Variants in EDC3 observed in about 807,000 individuals in gnomAD.
The protein encoded by EDC3 is enhancer of mRNA-decapping protein 3.
In EDC3, 20 loss-of-function variants were observed where a neutral mutation model predicts 41.8. That is an observed-to-expected ratio of 0.48 (90% CI 0.34 to 0.70). The LOEUF is 0.70. Among genes scored for constraint, EDC3 ranks in the 30% least tolerant of loss-of-function variants. EDC3 has a pLI of 0.01. For missense variants in EDC3, 444 were observed against 636.8 expected (o/e 0.70, Z 3.26); for synonymous variants, 206 against 243.2 (o/e 0.85, Z 1.42).
chr15:74,675,880 CAAA>C (rs57596845), intron 1 of EDC3, among the ~76,000 whole-genome samples: 7 of 116,590 alleles, frequency 6.0e-5, no homozygotes, highest in Admixed American at 8.4e-5. Context: ...GACTCTGCCT[CAAA>C]AAAAAAAAAA....
chr15:74,677,239 T>C lies in EDC3; in HGVS notation c.-18-2097A>G, dbSNP rs536021301. ...CACCACACCTGGCTAATTTTTGTAT[T>C]TTTAGTAGAGACGGGGTTTCACCAT... On this transcript the variant is annotated intron_variant, in intron 1 of 6. Coordinates refer to ENST00000315127, the MANE Select transcript of EDC3 (RefSeq NM_025083.5). Among the ~76,000 whole-genome samples, 4 of 151,972 alleles carry C rather than the reference T, an allele frequency of 2.6e-5. No homozygotes were observed. In the South Asian group the frequency reaches 8.3e-4, roughly 32 times the overall value.
intron 3 of EDC3, among the ~76,000 whole-genome samples, chr15:74,665,337 C>T (rs772111331): frequency 1.3e-5 from 2 of 152,176 alleles, no homozygotes; most frequent in African/African-American, 4.8e-5. Flanking sequence ...CAGCTATCTA[C>T]TTTCATGTTC....
chr15:74,675,261 T>C (rs1431315911), intron 1 of EDC3, 119 bp from the exon 2 acceptor site: 2 of 883,938 alleles, frequency 2.3e-6, no homozygotes, highest in Non-Finnish European at 1.6e-6. Flanking sequence ...TCTATCACAT[T>C]GTTAACTGAG....
At chr15:74,678,877 G>C (rs1374545655) in intron 1 of EDC3, among the ~76,000 whole-genome samples, 1 of 137,676 alleles carries the variant, frequency 7.3e-6, no homozygotes, top group Admixed American at 7.9e-5. Flanking sequence ...GCGACAGAGC[G>C]AGACTCCGTC....
intron 3 of EDC3, among the ~76,000 whole-genome samples, chr15:74,665,084 C>T (rs2062662433): frequency 6.6e-6 from 1 of 152,212 alleles, no homozygotes; most frequent in Non-Finnish European, 1.5e-5. Flanking sequence ...AGTGCAATGG[C>T]ACGATCTCGG....
In EDC3 at chr15:74,632,539, A is replaced by G. The variant is rs2062223468; in HGVS notation, c.*73T>C. The G allele has an allele frequency of 1.3e-6, 2 of 1,518,856 alleles. No individual in the cohort carries two copies. The highest frequency in any genetic ancestry group is 4.5e-5 in the East Asian group (2 of 44,068). 94.1% of individuals were successfully genotyped at this position (1,518,856 alleles called of 1,614,324 possible). A position where few individuals can be genotyped will look rare whatever the true frequency, so the allele number is the denominator to read the frequency against. On this transcript the variant is annotated 3_prime_UTR_variant, in exon 7 of 7. Coordinates refer to ENST00000315127, the MANE Select transcript of EDC3 (RefSeq NM_025083.5). The surrounding 1 kb of genome is among the most constrained non-coding windows in gnomAD (Gnocchi z 4.0). ...GAAAAAACTTTAACAAGGTCCATGA[A>G]GCTTCATATCCTTAAGGCGTTTGTT...
In EDC3 at chr15:74,670,981, G is replaced by A. The variant is rs546217563; in HGVS notation, c.484+474C>T. On this transcript the variant is annotated intron_variant, in intron 3 of 6. Coordinates refer to ENST00000315127, the MANE Select transcript of EDC3 (RefSeq NM_025083.5). ...AAGAATCCTCTGGAACAGCCCAAGT[G>A]CAGGTTCAACTCAAACACTACTACC... 2.0e-5 allele frequency among the ~76,000 whole-genome samples: 3 copies of A among 152,076 alleles called. No homozygotes were observed. In the South Asian group the frequency reaches 6.2e-4, roughly 32 times the overall value.
chr15:74,675,163 T>G, intron 1 of EDC3, 21 bp from the exon 2 acceptor site: 1 of 1,604,620 alleles, frequency 6.2e-7, no homozygotes, highest in Non-Finnish European at 8.5e-7. Context: ...AAGGAACTAT[T>G]CAGTGTGCCT....
At chr15:74,643,175 T>C (rs562446238) in intron 4 of EDC3, 7 of 151,966 alleles carry the variant, frequency 4.6e-5, no homozygotes, top group Non-Finnish European at 8.8e-5. Context: ...TAAAATAAAT[T>C]CCAAAGGAAA....
chr15:74,685,766 A>G (rs1290516698), intron 1 of EDC3, among the ~76,000 whole-genome samples: 1 of 152,214 alleles, frequency 6.6e-6, no homozygotes, highest in African/African-American at 2.4e-5. Context: ...ATAAATACAC[A>G]TGTTAAGCAC....
At position 74,632,772 on chromosome 15, in the gene EDC3, T is replaced by G; in HGVS notation, c.1367A>C (p.Lys456Thr). The change falls in exon 7 of 7, where the codon AAA (lysine) becomes ACA (threonine). Residue 456 changes from lysine to threonine, a missense_variant. Lys to Thr is a moderately conservative substitution (Grantham distance 78). Coordinates refer to ENST00000315127, the MANE Select transcript of EDC3 (RefSeq NM_025083.5). This position sits in a 1 kb window ranked among gnomAD's most constrained non-coding sequence, Gnocchi z 4.0. ...AGGCAGGCCCAGTGCCAGTGACCAT[T>G]TGGCATCAATGCCCTGTTCGACTTC... ...VHEVEQGIDA[K>T]WSLALGLPLP... The G allele has an allele frequency of 6.2e-7, 1 of 1,614,254 alleles. No individual in the cohort carries two copies. Among genetic ancestry groups the G allele is most frequent in the Non-Finnish European group, 8.5e-7 (1 of 1,180,036 alleles).
chr15:74,653,170 A>G (rs1393905639), intron 4 of EDC3, among the ~76,000 whole-genome samples: 1 of 151,132 alleles, frequency 6.6e-6, no homozygotes, highest in African/African-American at 2.4e-5. Flanking sequence ...CTGGATGACA[A>G]AACAAGACTC....
chr15:74,653,243 G>GA (rs1379372879), intron 4 of EDC3, among the ~76,000 whole-genome samples: 6 of 149,692 alleles, frequency 4.0e-5, no homozygotes, highest in African/African-American at 1.2e-4. Context: ...TCTGTAAAAT[G>GA]AAAAAATCAT....
At chr15:74,658,872 G>A (rs182724952) in intron 3 of EDC3, among the ~76,000 whole-genome samples, 5 of 152,144 alleles carry the variant, frequency 3.3e-5, no homozygotes, top group Admixed American at 1.3e-4. Context: ...CCCAGGAGGC[G>A]GAGGTTGCAG....
intron 1 of EDC3, among the ~76,000 whole-genome samples, chr15:74,675,516 G>C (rs1359859720): frequency 6.7e-6 from 1 of 149,126 alleles, no homozygotes; most frequent in Non-Finnish European, 1.5e-5. Context: ...ACAAATTACT[G>C]ATAATGCCAC....
intron 4 of EDC3, among the ~76,000 whole-genome samples, chr15:74,655,514 T>C (rs1473132293): frequency 6.6e-6 from 1 of 152,120 alleles, no homozygotes; most frequent in Non-Finnish European, 1.5e-5. Context: ...TCCTACCAGA[T>C]ACAGGATATA....
Position 74,631,400 on chromosome 15 carries a change from G to C in EDC3, c.*1212C>G, listed in dbSNP as rs753790980. On this transcript the variant is annotated 3_prime_UTR_variant, in exon 7 of 7. Coordinates refer to ENST00000315127, the MANE Select transcript of EDC3 (RefSeq NM_025083.5). ...CTGTTCTACCAGCCTCCAGGGCCTA[G>C]AGCTTGGCACCTTAGGATTTGAGCA... is the stretch of plus-strand genomic sequence containing the variant. The C allele has an allele frequency of 4.6e-5, 7 of 152,270 alleles. No homozygotes were observed. The highest frequency in any genetic ancestry group is 1.0e-4 in the Non-Finnish European group (7 of 68,066). 9.4% of individuals were successfully genotyped at this position (152,270 alleles called of 1,614,324 possible).
Position 74,635,433 on chromosome 15 carries a change from C to T in EDC3, c.1168G>A (p.Gly390Ser), listed in dbSNP as rs2062260769. The change falls in exon 6 of 7, where the codon GGC (glycine) becomes AGC (serine). Residue 390 changes from glycine (G) to serine (S), a missense_variant. Transcript: ENST00000315127. ...CCTTTGAGGCTAGACACTTGTTGGC[C>T]TTGGGTCTTGCTGAAGAGCGACAGC... ...NELSLFSKTQ[G>S]QQVSSLKDLP... is the part of the protein sequence containing the mutation. The T allele has an allele frequency of 6.2e-7, 1 of 1,614,086 alleles. No individual in the cohort carries two copies. The highest frequency in any genetic ancestry group is 8.5e-7 in the Non-Finnish European group (1 of 1,180,050).
At chr15:74,640,761 A>G (rs2062341593) in intron 4 of EDC3, 142 bp from the exon 5 acceptor site, 1 of 1,007,596 alleles carries the variant, frequency 9.9e-7, no homozygotes, top group South Asian at 1.5e-5. Flanking sequence ...TCCGGGACTA[A>G]GGCACGCTCT....
Sources: allele counts gnomAD v4.1 joint callset (sites outside exome capture counted in the v4.1 genomes callset), GRCh38; gene constraint gnomAD v4.1.1; non-coding constraint Gnocchi (gnomAD v3.1); transcripts MANE v1.5; gene names NCBI Gene and HGNC (gene_info 2026-07-23, HGNC 2026-07-21).